Variants in GALNTL6 observed in about 807,000 individuals in gnomAD.
GALNTL6 encodes polypeptide N-acetylgalactosaminyltransferase-like 6.
A neutral mutation model predicts 73.7 loss-of-function variants in GALNTL6; 46 were observed. The observed-to-expected ratio is 0.62, with a 90% CI of 0.49 to 0.80. The LOEUF (loss-of-function observed/expected upper bound fraction) is 0.80, where lower values mean the gene tolerates loss of function less well. Ranked by LOEUF, GALNTL6 falls within the 30% of genes least tolerant of loss-of-function variation. The pLI is 0.00. For missense variants in GALNTL6, 604 were observed against 755.0 expected, an observed-to-expected ratio of 0.80 and a Z score of 2.34; for synonymous variants, 259 against 263.7, an observed-to-expected ratio of 0.98 and a Z score of 0.17.
chr4:172,446,648 C>A (rs1021677143), intron 5 of GALNTL6, among the ~76,000 whole-genome samples: 2 of 152,110 alleles, frequency 1.3e-5, no homozygotes, highest in African/African-American at 4.8e-5. Context: ...GAAATGGAGT[C>A]ATAGGCCTCA....
At chr4:172,633,560 G>A (rs894495899) in intron 5 of GALNTL6, among the ~76,000 whole-genome samples, 5 of 152,234 alleles carry the variant, frequency 3.3e-5, no homozygotes, top group African/African-American at 1.2e-4. Flanking sequence ...TAGGTGGGAG[G>A]GACTTGCCTT....
chr4:171,910,027 T>C (rs1737426202), intron 2 of GALNTL6, among the ~76,000 whole-genome samples: 1 of 152,196 alleles, frequency 6.6e-6, no homozygotes. Flanking sequence ...TATGAATACA[T>C]GAATAATGTA....
chr4:172,351,377 A>G (rs1237445307), intron 5 of GALNTL6, among the ~76,000 whole-genome samples: 1 of 152,168 alleles, frequency 6.6e-6, no homozygotes, highest in Non-Finnish European at 1.5e-5. Flanking sequence ...AGCTACTATA[A>G]GCATTGAAGT....
intron 7 of GALNTL6, among the ~76,000 whole-genome samples, chr4:172,874,221 T>C (rs1165811126): frequency 2.6e-5 from 4 of 152,216 alleles, no homozygotes; most frequent in African/African-American, 9.6e-5. Flanking sequence ...CCATTTCACA[T>C]CACATTTTGA....
At chr4:172,622,231 A>T (rs545580108) in intron 5 of GALNTL6, among the ~76,000 whole-genome samples, 1 of 152,344 alleles carries the variant, frequency 6.6e-6, no homozygotes, top group East Asian at 1.9e-4. Context: ...ATAGAGAGAA[A>T]AACAAATCAT....
chr4:172,481,054 G>A (rs535251038), intron 5 of GALNTL6, among the ~76,000 whole-genome samples: 3 of 152,268 alleles, frequency 2.0e-5, no homozygotes, highest in East Asian at 1.9e-4. Context: ...GTGGACTATC[G>A]CGGTGAGTGT....
rs1184427799 is a variant in GALNTL6 at position 172,658,162 on chromosome 4, A to AAAAAAAAAG, written c.554-151192_554-151191insAGAAAAAAA. On this transcript the variant is annotated intron_variant, in intron 5 of 12. Coordinates refer to ENST00000506823, the MANE Select transcript of GALNTL6 (RefSeq NM_001034845.3). ...GAGACTCCGTCTCAAAAAAAAAAAAAAAAAAAAGAAATATCTTTGTGGGGC... is the reference window on the plus strand; with the variant it reads ...GAGACTCCGTCTCAAAAAAAAAAAAAAAAAAAAAGAAAAAAAGAAATATCTTTGTGGGGC... Among the ~76,000 whole-genome samples the AAAAAAAAAG allele has an allele frequency of 1.7e-3, 212 of 124,410 alleles. 10 individuals carry two copies. The highest frequency in any genetic ancestry group is 6.3e-3 in the African/African-American group (206 of 32,724). The allele number at this position is 124,410 out of a possible 152,430, so 81.6% of individuals were successfully genotyped here.
chr4:172,831,105 C>T (rs567420156), intron 7 of GALNTL6, among the ~76,000 whole-genome samples: 2 of 125,632 alleles, frequency 1.6e-5, no homozygotes, highest in South Asian at 2.6e-4. Context: ...TTGCAGTGAG[C>T]GGAGATCGCA....
intron 10 of GALNTL6, among the ~76,000 whole-genome samples, chr4:172,967,079 G>A (rs1036461703): frequency 3.9e-5 from 6 of 152,194 alleles, no homozygotes; most frequent in Admixed American, 6.5e-5. Context: ...AATTATCTCC[G>A]TGTCTTTGAT....
At chr4:171,866,712 A>T (rs1735980025) in intron 2 of GALNTL6, among the ~76,000 whole-genome samples, 2 of 152,174 alleles carry the variant, frequency 1.3e-5, no homozygotes, top group Non-Finnish European at 2.9e-5. Context: ...TCTGTTGAAG[A>T]CACTCTTGCA....
intron 3 of GALNTL6, among the ~76,000 whole-genome samples, chr4:172,236,317 T>C (rs1232679455): frequency 6.6e-6 from 1 of 152,170 alleles, no homozygotes; most frequent in Admixed American, 6.5e-5. Context: ...CCCAGCACTT[T>C]GGAATGCCGA....
At chr4:172,957,505 C>G (rs539566873) in intron 10 of GALNTL6, among the ~76,000 whole-genome samples, 11 of 152,294 alleles carry the variant, frequency 7.2e-5, no homozygotes, top group Middle Eastern at 3.4e-3. Context: ...GAAGTTGCAA[C>G]GCTAGCTGCT....
At chr4:172,199,026 C>T (rs1735870737) in intron 2 of GALNTL6, among the ~76,000 whole-genome samples, 2 of 152,156 alleles carry the variant, frequency 1.3e-5, no homozygotes, top group Admixed American at 6.5e-5. Flanking sequence ...ACTGACTACA[C>T]TGTGCTGTAA....
intron 5 of GALNTL6, among the ~76,000 whole-genome samples, chr4:172,747,461 A>C (rs1737173609): frequency 6.6e-6 from 1 of 152,182 alleles, no homozygotes; most frequent in African/African-American, 2.4e-5. Context: ...TTAAAACTAT[A>C]AGAAGATATC....
intron 5 of GALNTL6, among the ~76,000 whole-genome samples, chr4:172,775,142 C>T (rs1372759912): frequency 6.6e-6 from 1 of 151,834 alleles, no homozygotes; most frequent in Admixed American, 6.6e-5. Flanking sequence ...CTTGAGATGA[C>T]CAAATATAGT....
chr4:172,492,966 G>A (rs956266081), intron 5 of GALNTL6, among the ~76,000 whole-genome samples: 2 of 152,118 alleles, frequency 1.3e-5, no homozygotes, highest in African/African-American at 4.8e-5. Flanking sequence ...AGGCTGCCAA[G>A]TCCCATGCTT....
At chr4:172,313,355 C>T (rs1310888378) in intron 4 of GALNTL6, among the ~76,000 whole-genome samples, 1 of 152,032 alleles carries the variant, frequency 6.6e-6, no homozygotes, top group Non-Finnish European at 1.5e-5. Flanking sequence ...GATCTCCTGA[C>T]CTCGTGATCC....
At chr4:172,432,587 GAA>G (rs1731494003) in intron 5 of GALNTL6, among the ~76,000 whole-genome samples, 1 of 151,930 alleles carries the variant, frequency 6.6e-6, no homozygotes, top group African/African-American at 2.4e-5. Flanking sequence ...ACAAAATTTT[GAA>G]AAGTGATGAA....
chr4:171,959,084 T>C (rs35798192), intron 2 of GALNTL6, among the ~76,000 whole-genome samples: 62,972 of 152,042 alleles, frequency 0.41, 16,094 homozygotes, highest in Admixed American at 0.56. Flanking sequence ...TTCAACTTAG[T>C]AAGTAAAACT....
Sources: allele counts gnomAD v4.1 joint callset (sites outside exome capture counted in the v4.1 genomes callset), GRCh38; gene constraint gnomAD v4.1.1; transcripts MANE v1.5; gene names NCBI Gene and HGNC (gene_info 2026-07-23, HGNC 2026-07-21).